Variants in DGKB observed in about 807,000 individuals in gnomAD.
DGKB encodes 90 kDa diacylglycerol kinase.
Under a neutral mutation model 114.3 loss-of-function variants are expected in DGKB, and 67 were observed. The ratio of observed to expected loss-of-function variants is 0.59; its 90% CI spans 0.48 to 0.72. The LOEUF (loss-of-function observed/expected upper bound fraction) is 0.72, where lower values mean the gene tolerates loss of function less well. Among genes scored for constraint, DGKB ranks in the 30% least tolerant of loss-of-function variants. DGKB has a pLI of 0.00. For synonymous variants in DGKB, 398 were observed against 323.1 expected (o/e 1.23, Z -2.49); for missense variants, 907 against 975.2 (o/e 0.93, Z 0.93).
intron 7 of DGKB, among the ~76,000 whole-genome samples, chr7:14,699,094 C>T (rs763303649): frequency 4.7e-5 from 7 of 150,322 alleles, no homozygotes; most frequent in South Asian, 2.1e-4. Context: ...TGTTTCCCTC[C>T]GAGGAACTAA....
At chr7:14,620,944 T>C (rs1423692782) in intron 15 of DGKB, among the ~76,000 whole-genome samples, 2 of 151,722 alleles carry the variant, frequency 1.3e-5, no homozygotes, top group East Asian at 1.9e-4. Context: ...AAAATATTTA[T>C]TTAGAAAAAA....
chr7:14,643,929 T>C (rs1232188287), intron 13 of DGKB, among the ~76,000 whole-genome samples: 1 of 152,120 alleles, frequency 6.6e-6, no homozygotes, highest in African/African-American at 2.4e-5. Flanking sequence ...TTGCACACCA[T>C]TTAGGAGCCA....
intron 23 of DGKB, among the ~76,000 whole-genome samples, chr7:14,253,686 A>G (rs1475413797): frequency 2.6e-5 from 4 of 152,178 alleles, no homozygotes; most frequent in Non-Finnish European, 5.9e-5. Context: ...AAATATTGTT[A>G]TACTTGAAGT....
intron 14 of DGKB, among the ~76,000 whole-genome samples, chr7:14,626,164 C>T (rs1808549133): frequency 6.6e-6 from 1 of 152,156 alleles, no homozygotes; most frequent in Admixed American, 6.6e-5. Context: ...GTGAAAACTG[C>T]TTTCACAAAA....
intron 23 of DGKB, among the ~76,000 whole-genome samples, chr7:14,279,301 G>A (rs1014350984): frequency 6.6e-6 from 1 of 152,176 alleles, no homozygotes. Context: ...AGCCAGGCGG[G>A]GGGAGGGGCG....
chr7:14,401,861 G>A (rs768821259), intron 21 of DGKB, among the ~76,000 whole-genome samples: 14 of 151,346 alleles, frequency 9.3e-5, no homozygotes, highest in African/African-American at 1.2e-4. Flanking sequence ...TTTTTAATAC[G>A]GATAGGATGT....
In DGKB at chr7:14,213,792, C is replaced by T. The variant is rs137934946; in HGVS notation, c.2123-35641G>A. On this transcript the variant is annotated intron_variant, in intron 23 of 25. Coordinates refer to ENST00000402815, the MANE Select transcript of DGKB (RefSeq NM_001350709.2). ...ACCAGCTTTCACAGAACTGTGGTGA[C>T]GGTGATACAGTTTACCCTCTCATCA... is the stretch of plus-strand genomic sequence containing the variant. 4.6e-5 allele frequency among the ~76,000 whole-genome samples: 7 copies of T among 152,206 alleles called. No individual in the cohort carries two copies. The East Asian group carries it at 5.8e-4, about 13-fold the overall frequency.
At chr7:14,290,312 TTTTA>T (rs1260570341) in intron 23 of DGKB, among the ~76,000 whole-genome samples, 2 of 152,138 alleles carry the variant, frequency 1.3e-5, no homozygotes, top group Admixed American at 6.6e-5. Context: ...TGATTGAAAT[TTTTA>T]TTTGTTTTTT....
chr7:14,481,771 T>TAG (rs1783024709), intron 20 of DGKB, among the ~76,000 whole-genome samples: 1 of 152,102 alleles, frequency 6.6e-6, no homozygotes, highest in African/African-American at 2.4e-5. Flanking sequence ...TGTGCAAACT[T>TAG]TTCTTTTTCT....
chr7:14,567,248 T>C (rs1166644264), intron 20 of DGKB, among the ~76,000 whole-genome samples: 1 of 48,168 alleles, frequency 2.1e-5, no homozygotes, highest in African/African-American at 8.8e-5. Flanking sequence ...ATTATATATA[T>C]TATATATTTA....
At chr7:14,201,790 T>C (rs1373922858) in intron 23 of DGKB, among the ~76,000 whole-genome samples, 1 of 151,960 alleles carries the variant, frequency 6.6e-6, no homozygotes, top group Non-Finnish European at 1.5e-5. Flanking sequence ...AATTACAAAT[T>C]AAAAAAATAA....
chr7:14,201,128 A>G (rs1372395129), intron 23 of DGKB, among the ~76,000 whole-genome samples: 1 of 152,008 alleles, frequency 6.6e-6, no homozygotes, highest in African/African-American at 2.4e-5. Flanking sequence ...ACATCAAGGC[A>G]CTAGCAGCGT....
chr7:14,838,264 T>C (rs1847427530), intron 2 of DGKB, among the ~76,000 whole-genome samples: 1 of 152,172 alleles, frequency 6.6e-6, no homozygotes, highest in South Asian at 2.1e-4. Context: ...GTCTTTCTTC[T>C]AATCAATTCA....
chr7:14,878,776 A>AAC (rs1853754813), intron 1 of DGKB, among the ~76,000 whole-genome samples: 2 of 151,664 alleles, frequency 1.3e-5, no homozygotes, highest in African/African-American at 4.8e-5. Context: ...AAACAAAAAA[A>AAC]AAAAACCAAA....
At chr7:14,562,678 G>A (rs971894240) in intron 20 of DGKB, among the ~76,000 whole-genome samples, 27 of 152,056 alleles carry the variant, frequency 1.8e-4, no homozygotes, top group African/African-American at 6.3e-4. Flanking sequence ...TGTTTTGGAC[G>A]ATTTCTCCCA....
At chr7:14,257,633 T>C (rs1796137652) in intron 23 of DGKB, among the ~76,000 whole-genome samples, 1 of 152,174 alleles carries the variant, frequency 6.6e-6, no homozygotes, top group Admixed American at 6.5e-5. Context: ...GCAGTTCTCT[T>C]TCCTGCACCC....
intron 21 of DGKB, among the ~76,000 whole-genome samples, chr7:14,351,756 T>G (rs557509414): frequency 6.6e-6 from 1 of 152,284 alleles, no homozygotes; most frequent in South Asian, 2.1e-4. Flanking sequence ...TTGTAGAAAC[T>G]TGAAACTACA....
At chr7:14,369,602 T>A (rs1817282638) in intron 21 of DGKB, among the ~76,000 whole-genome samples, 1 of 152,236 alleles carries the variant, frequency 6.6e-6, no homozygotes, top group Admixed American at 6.5e-5. Context: ...GACTATTTAA[T>A]GATCGCCATT....
chr7:14,930,922 T>C (rs1363629211), intron 1 of DGKB, among the ~76,000 whole-genome samples: 1 of 152,172 alleles, frequency 6.6e-6, no homozygotes, highest in Non-Finnish European at 1.5e-5. Flanking sequence ...TGAAGGTATG[T>C]TGAATTTTAT....
Sources: allele counts gnomAD v4.1 joint callset (sites outside exome capture counted in the v4.1 genomes callset), GRCh38; gene constraint gnomAD v4.1.1; transcripts MANE v1.5; gene names NCBI Gene and HGNC (gene_info 2026-07-23, HGNC 2026-07-21).